Variants in TMEM108 observed in about 807,000 individuals in gnomAD.
TMEM108 encodes the protein cancer/testis antigen 124.
Under a neutral mutation model 35.1 loss-of-function variants are expected in TMEM108, and 12 were observed. That is an observed-to-expected ratio of 0.34 (90% CI 0.22 to 0.55). The LOEUF (loss-of-function observed/expected upper bound fraction) is 0.55. Ranked by LOEUF, TMEM108 falls within the 20% of genes least tolerant of loss-of-function variation. The pLI is 0.89. For synonymous variants in TMEM108, 287 were observed against 308.6 expected, an observed-to-expected ratio of 0.93 and a Z score of 0.73; for missense variants, 680 against 753.3, an observed-to-expected ratio of 0.90 and a Z score of 1.14.
At chr3:133,162,903 A>G (rs1297709541) in intron 2 of TMEM108, among the ~76,000 whole-genome samples, 1 of 152,266 alleles carries the variant, frequency 6.6e-6, no homozygotes, top group Non-Finnish European at 1.5e-5. Flanking sequence ...TTCTGGCAGC[A>G]TATGAAACAG....
chr3:133,245,735 C>A (rs188728136), intron 3 of TMEM108, among the ~76,000 whole-genome samples: 2,168 of 152,214 alleles, frequency 0.014, 60 homozygotes, highest in African/African-American at 0.05. Flanking sequence ...TTGGATGAGA[C>A]TTCATTAGAG....
At chr3:133,300,838 G>T (rs1431550970) in intron 3 of TMEM108, among the ~76,000 whole-genome samples, 1 of 152,098 alleles carries the variant, frequency 6.6e-6, no homozygotes, top group South Asian at 2.1e-4. Context: ...CACATCAAAG[G>T]TGTGCTTGCA....
intron 3 of TMEM108, among the ~76,000 whole-genome samples, chr3:133,256,440 T>C (rs1474911978): frequency 6.6e-6 from 1 of 152,206 alleles, no homozygotes; most frequent in Non-Finnish European, 1.5e-5. Flanking sequence ...GCAAACATTT[T>C]CTGTATGAAA....
At chr3:133,173,806 T>C (rs988481887) in intron 2 of TMEM108, among the ~76,000 whole-genome samples, 1 of 152,176 alleles carries the variant, frequency 6.6e-6, no homozygotes, top group Admixed American at 6.5e-5. Flanking sequence ...CCAACTGAGG[T>C]ACCGGGTTCA....
intron 3 of TMEM108, among the ~76,000 whole-genome samples, chr3:133,252,056 T>C (rs1946479580): frequency 6.6e-6 from 1 of 152,198 alleles, no homozygotes; most frequent in Non-Finnish European, 1.5e-5. Context: ...CTGTTGTTAC[T>C]GTCACCATCG....
chr3:133,055,602 C>G (rs1385875697), intron 2 of TMEM108, among the ~76,000 whole-genome samples: 1 of 152,218 alleles, frequency 6.6e-6, no homozygotes, highest in Non-Finnish European at 1.5e-5. Context: ...ACTGAAACCC[C>G]CAGCCCTGAA....
At chr3:133,086,712 G>A (rs1178764246) in intron 2 of TMEM108, among the ~76,000 whole-genome samples, 2 of 152,146 alleles carry the variant, frequency 1.3e-5, no homozygotes, top group African/African-American at 4.8e-5. Context: ...ATCATACATA[G>A]GAATGAGAGA....
chr3:133,318,947 T>C (rs2071231810), intron 3 of TMEM108, among the ~76,000 whole-genome samples: 1 of 138,142 alleles, frequency 7.2e-6, no homozygotes, highest in Non-Finnish European at 1.5e-5. Flanking sequence ...GGGAAGTGTA[T>C]AGCCTGGGGC....
intron 3 of TMEM108, among the ~76,000 whole-genome samples, chr3:133,309,824 C>G (rs1393733918): frequency 6.7e-6 from 1 of 150,082 alleles, no homozygotes; most frequent in Non-Finnish European, 1.5e-5. Context: ...CCTCAGCCTC[C>G]CAAGTAGCTG....
chr3:133,197,362 C>A (rs1049337057), intron 2 of TMEM108, among the ~76,000 whole-genome samples: 1 of 152,008 alleles, frequency 6.6e-6, no homozygotes, highest in Non-Finnish European at 1.5e-5. Flanking sequence ...GGAGGTGATA[C>A]CAGGGATCCG....
intron 3 of TMEM108, among the ~76,000 whole-genome samples, chr3:133,233,810 A>C (rs1374331513): frequency 5.3e-5 from 8 of 150,838 alleles, no homozygotes; most frequent in Admixed American, 4.6e-4. Flanking sequence ...GCATTTTTTC[A>C]TGTGTCTTTT....
chr3:133,378,817 T>C (rs1264231223), intron 3 of TMEM108, among the ~76,000 whole-genome samples: 1 of 151,976 alleles, frequency 6.6e-6, no homozygotes, highest in African/African-American at 2.4e-5. Flanking sequence ...TTTTTTTTTT[T>C]TTTTTAATGT....
chr3:133,040,393 C>T (rs1480458573), intron 1 of TMEM108, among the ~76,000 whole-genome samples: 1 of 151,634 alleles, frequency 6.6e-6, no homozygotes, highest in East Asian at 1.9e-4. Flanking sequence ...TTAGTAAAGA[C>T]GGGGTTTCAC....
intron 2 of TMEM108, among the ~76,000 whole-genome samples, chr3:133,137,965 A>C (rs185624456): frequency 6.6e-6 from 1 of 152,214 alleles, no homozygotes; most frequent in Non-Finnish European, 1.5e-5. Context: ...CAGAATTTAC[A>C]ATAAGAGGGC....
At position 133,179,814 on chromosome 3, in the gene TMEM108, TAAAATA is replaced by T. The variant is rs1945303618; in HGVS notation, c.-46-49448_-46-49443del. ...TAAAACTTAAAGTATAATAAAAAAA[TAAAATA>T]AAATAAAATGGCCCTTCTTAGAAGA... On this transcript the variant is annotated intron_variant, in intron 2 of 5. Coordinates refer to ENST00000321871, the MANE Select transcript of TMEM108 (RefSeq NM_023943.4). Among the ~76,000 whole-genome samples the T allele has an allele frequency of 2.9e-5, 4 of 139,890 alleles. No homozygotes were observed. The South Asian group carries it at 8.6e-4, about 30-fold the overall frequency. The allele number at this position is 139,890 out of a possible 152,430, so 91.8% of individuals were successfully genotyped here.
chr3:133,220,058 A>G (rs1387068716), intron 2 of TMEM108, among the ~76,000 whole-genome samples: 2 of 149,628 alleles, frequency 1.3e-5, no homozygotes, highest in African/African-American at 4.9e-5. Flanking sequence ...TCATCCTTAT[A>G]TAATGATGTT....
intron 1 of TMEM108, among the ~76,000 whole-genome samples, chr3:133,039,985 A>T (rs933880579): frequency 6.6e-6 from 1 of 152,186 alleles, no homozygotes; most frequent in Non-Finnish European, 1.5e-5. Flanking sequence ...TAAATTTGTT[A>T]GGGGTATCAA....
chr3:133,318,920 C>CAAA (rs58513827), intron 3 of TMEM108, among the ~76,000 whole-genome samples: 5 of 136,056 alleles, frequency 3.7e-5, no homozygotes, highest in East Asian at 2.1e-4. Flanking sequence ...GCGAGATAGG[C>CAAA]AAAAAAAAAA....
intron 2 of TMEM108, among the ~76,000 whole-genome samples, chr3:133,180,660 G>A (rs1945322778): frequency 6.6e-6 from 1 of 152,026 alleles, no homozygotes; most frequent in Non-Finnish European, 1.5e-5. Flanking sequence ...TTGGTAAAAT[G>A]TTCCCATGAG....
Sources: gnomAD v4.1 joint callset for allele counts (sites outside exome capture counted in the v4.1 genomes callset) on GRCh38, gnomAD v4.1.1 for gene constraint, MANE v1.5 for transcripts, NCBI Gene and HGNC (gene_info 2026-07-23, HGNC 2026-07-21) for gene names.